Variants in CFAP299 observed in about 807,000 individuals in gnomAD.
The protein encoded by CFAP299 is cilia- and flagella-associated protein 299.
CFAP299 carries 21 observed loss-of-function variants against 27.0 expected under a neutral mutation model. The ratio of observed to expected loss-of-function variants is 0.78; its 90% CI spans 0.55 to 1.12. CFAP299 has a LOEUF of 1.12. CFAP299 is among the 50% of genes most tolerant of loss of function. The pLI, the probability that CFAP299 is intolerant of heterozygous loss-of-function variation, is 0.00. For missense variants in CFAP299, 310 were observed against 276.6 expected (o/e 1.12, Z -0.86); for synonymous variants, 104 against 98.1 (o/e 1.06, Z -0.36).
chr4:80,447,374 A>T (rs1283647914), intron 2 of CFAP299, among the ~76,000 whole-genome samples: 1 of 150,346 alleles, frequency 6.7e-6, no homozygotes, highest in Non-Finnish European at 1.5e-5. Flanking sequence ...TGACCTCGTG[A>T]TCCGCCCGCC....
intron 1 of CFAP299, among the ~76,000 whole-genome samples, chr4:80,359,139 T>C (rs1723419390): frequency 6.6e-6 from 1 of 152,172 alleles, no homozygotes; most frequent in African/African-American, 2.4e-5. Context: ...GAATGTTGAA[T>C]ATTGGCCCCC....
chr4:80,422,387 AT>A (rs1487875764), intron 2 of CFAP299, among the ~76,000 whole-genome samples: 5 of 151,256 alleles, frequency 3.3e-5, no homozygotes, highest in African/African-American at 1.2e-4. Context: ...AAAAAAAAAA[AT>A]TCTTTAGTTT....
intron 1 of CFAP299, among the ~76,000 whole-genome samples, chr4:80,347,284 G>T (rs1722780102): frequency 1.3e-5 from 2 of 152,032 alleles, no homozygotes; most frequent in Admixed American, 6.6e-5. Context: ...TTGCTTGACT[G>T]CCCTGGCCAG....
intron 3 of CFAP299, among the ~76,000 whole-genome samples, chr4:80,741,892 G>A (rs1724294137): frequency 6.6e-6 from 1 of 152,096 alleles, no homozygotes; most frequent in African/African-American, 2.4e-5. Flanking sequence ...TTCCTGTCTG[G>A]CTAGGGCTGA....
At chr4:80,872,462 A>G (rs1032102135) in intron 4 of CFAP299, 4 of 152,146 alleles carry the variant, frequency 2.6e-5, no homozygotes, top group African/African-American at 9.7e-5. Flanking sequence ...CCTTGAAATA[A>G]ATTCCTGCAG....
At position 80,901,241 on chromosome 4, in the gene CFAP299, C is replaced by T. The variant is rs192459139; in HGVS notation, c.476+31106C>T. Among the ~76,000 whole-genome samples, 435 of 152,278 alleles carry T rather than the reference C, an allele frequency of 2.9e-3. 1 individual carries two copies. Among genetic ancestry groups the T allele is most frequent in the African/African-American group, 9.5e-3 (395 of 41,570 alleles). On this transcript the variant is annotated intron_variant, in intron 4 of 5. Coordinates refer to ENST00000358105, the MANE Select transcript of CFAP299 (RefSeq NM_152770.3). The stretch of plus-strand genomic sequence containing the variant: ...TTAGTTACAGAATCTATTCCTGTAG[C>T]ATATGACTAGAACACGCATGTGCAC...
intron 2 of CFAP299, among the ~76,000 whole-genome samples, chr4:80,465,662 G>A (rs1416675858): frequency 6.6e-6 from 1 of 152,226 alleles, no homozygotes; most frequent in Admixed American, 6.5e-5. Flanking sequence ...CCATGCCCTG[G>A]AAGAGTGAAA....
At chr4:80,538,293 G>A (rs778711925) in intron 2 of CFAP299, among the ~76,000 whole-genome samples, 1 of 151,878 alleles carries the variant, frequency 6.6e-6, no homozygotes, top group African/African-American at 2.4e-5. Context: ...TTTAAGCTCA[G>A]TGTTATTTAA....
chr4:80,340,392 C>G (rs1037446572), intron 1 of CFAP299, among the ~76,000 whole-genome samples: 1 of 152,176 alleles, frequency 6.6e-6, no homozygotes, highest in Non-Finnish European at 1.5e-5. Context: ...GTCACTCAGG[C>G]TCACACAGAG....
chr4:80,361,673 G>A (rs1338658664), intron 1 of CFAP299, among the ~76,000 whole-genome samples: 1 of 152,116 alleles, frequency 6.6e-6, no homozygotes, highest in Non-Finnish European at 1.5e-5. Context: ...TTGCTTTGTG[G>A]AGTTTAGTAT....
At chr4:80,590,470 C>T (rs1362257464) in intron 3 of CFAP299, among the ~76,000 whole-genome samples, 1 of 152,072 alleles carries the variant, frequency 6.6e-6, no homozygotes, top group African/African-American at 2.4e-5. Context: ...AACCCTGTCT[C>T]TACTAAAAAT....
intron 2 of CFAP299, among the ~76,000 whole-genome samples, chr4:80,555,575 C>A (rs1273712789): frequency 1.3e-5 from 2 of 152,054 alleles, no homozygotes; most frequent in African/African-American, 4.8e-5. Flanking sequence ...AGGGATAATA[C>A]CAGAACTTAT....
rs144219790 is a variant in CFAP299 at position 80,938,911 on chromosome 4, A to T, written c.477-5899A>T. Among the ~76,000 whole-genome samples the T allele has an allele frequency of 1.5e-4, 23 of 152,302 alleles. 1 individual carries two copies. The highest frequency in any genetic ancestry group is 5.5e-4 in the African/African-American group (23 of 41,562). ...ACATTTTTTATGGATAGCTTTGCCA[A>T]GTAAATAATTCTTTGTTGTCAGGTT... On this transcript the variant is annotated intron_variant, in intron 4 of 5. Coordinates refer to ENST00000358105, the MANE Select transcript of CFAP299 (RefSeq NM_152770.3).
At chr4:80,939,943 T>C (rs769018493) in intron 4 of CFAP299, among the ~76,000 whole-genome samples, 30 of 152,256 alleles carry the variant, frequency 2.0e-4, no homozygotes, top group Non-Finnish European at 3.5e-4. Context: ...GTTGAGAGCC[T>C]CCTCTTTATT....
chr4:80,937,263 G>C (rs1455825760), intron 4 of CFAP299, among the ~76,000 whole-genome samples: 4 of 135,732 alleles, frequency 2.9e-5, no homozygotes, highest in Non-Finnish European at 4.8e-5. Context: ...TTTCTTTTTT[G>C]GTTATCATTG....
intron 5 of CFAP299, among the ~76,000 whole-genome samples, chr4:80,963,014 T>C (rs1020920677): frequency 4.3e-4 from 65 of 151,956 alleles, no homozygotes; most frequent in African/African-American, 1.6e-3. Flanking sequence ...GGTTATAATT[T>C]GAAGGAAGAA....
Position 80,583,093 on chromosome 4 carries a change from G to A in CFAP299, c.243G>A (p.Lys81=), listed in dbSNP as rs1276417011. ...IARLAERAQQ[K]TLTSAGKDLQ... ...ATAACTGAAGATCTGCCTTTTACAG[G>A]ACGCTAACAAGTGCTGGTAAAGACC... The change falls in exon 3 of 6, where the codon AAG becomes AAA. Residue 81 remains lysine (K), a splice_region_variant and synonymous_variant. Coordinates refer to ENST00000358105, the MANE Select transcript of CFAP299 (RefSeq NM_152770.3). 7 of 1,595,018 alleles carry A rather than the reference G, an allele frequency of 4.4e-6. No homozygotes were observed. The highest frequency in any genetic ancestry group is 6.0e-6 in the Non-Finnish European group (7 of 1,168,110).
chr4:80,898,922 T>C lies in CFAP299; in HGVS notation c.476+28787T>C, dbSNP rs79264255. ...AACAGCTTCTCTAAAGAGGTAAAAT[T>C]TAGGCTGATTCCCAAAATATAAGGG... On this transcript the variant is annotated intron_variant, in intron 4 of 5. Coordinates refer to ENST00000358105, the MANE Select transcript of CFAP299 (RefSeq NM_152770.3). Among the ~76,000 whole-genome samples the C allele has an allele frequency of 6.8e-4, 104 of 152,268 alleles. 1 individual carries two copies. In the East Asian group the frequency reaches 0.019, roughly 27 times the overall value.
intron 3 of CFAP299, among the ~76,000 whole-genome samples, chr4:80,711,206 G>A (rs181223170): frequency 1.3e-5 from 2 of 152,298 alleles, no homozygotes; most frequent in Admixed American, 6.5e-5. Flanking sequence ...TTAAGCCGCT[G>A]ACCCTGAAAG....
Sources: gnomAD v4.1 joint callset for allele counts (sites outside exome capture counted in the v4.1 genomes callset) on GRCh38, gnomAD v4.1.1 for gene constraint, MANE v1.5 for transcripts, NCBI Gene and HGNC (gene_info 2026-07-23, HGNC 2026-07-21) for gene names.